Variants in ZNF431 observed in about 807,000 individuals in gnomAD.
The protein encoded by ZNF431 is zinc finger protein 431.
Under a neutral mutation model 57.0 loss-of-function variants are expected in ZNF431, and 34 were observed. The ratio of observed to expected loss-of-function variants is 0.60; its 90% CI spans 0.45 to 0.79. The LOEUF is 0.79. Ranked by LOEUF, ZNF431 falls within the 30% of genes least tolerant of loss-of-function variation. The pLI is 0.00. For missense variants in ZNF431, 607 were observed against 667.1 expected (o/e 0.91, Z 0.99); for synonymous variants, 207 against 220.3 (o/e 0.94, Z 0.54).
At position 21,142,138 on chromosome 19, in the gene ZNF431, T is replaced by C; in HGVS notation, c.-46T>C. On this transcript the variant is annotated 5_prime_UTR_variant, in exon 1 of 5. Transcript: ENST00000311048. ...CTGTGGCCCTGTGACCTGCAGGTAT[T>C]GGGAGACCCACAGCTAAGACACCGG... 1.2e-6 allele frequency: 2 copies of C among 1,611,494 alleles called. No homozygotes were observed. Among genetic ancestry groups the C allele is most frequent in the Non-Finnish European group, 1.7e-6 (2 of 1,178,342 alleles).
Position 21,183,951 on chromosome 19 carries a change from A to T in ZNF431, c.1648A>T (p.Asn550Tyr). The change falls in exon 5 of 5, where the codon AAC becomes TAC. Residue 550 changes from asparagine to tyrosine, a missense_variant. Transcript: ENST00000311048. ...YNCEECDNTF[N>Y]QSSNLIKQNN... is the part of the protein sequence containing the mutation. ...CTGTGAAGAATGTGACAATACATTT[A>T]ACCAGTCCTCAAACCTTATTAAACA... 1 of 1,608,934 alleles carries T rather than the reference A, an allele frequency of 6.2e-7. No individual in the cohort carries two copies. The highest frequency in any genetic ancestry group is 1.1e-5 in the South Asian group (1 of 90,168).
At position 21,188,359 on chromosome 19, in the gene ZNF431, A is replaced by T. The variant is rs535298362; in HGVS notation, c.*4325A>T. On this transcript the variant is annotated 3_prime_UTR_variant, in exon 5 of 5. Coordinates refer to ENST00000311048, the MANE Select transcript of ZNF431 (RefSeq NM_133473.4). ...AAGAAAAATCTTACTAGATTCTTAT[A>T]CAAAGTGTGGCAAATATAAAACTTG... The T allele has an allele frequency of 6.6e-6, 1 of 152,220 alleles. No individual in the cohort carries two copies. Among genetic ancestry groups the T allele is most frequent in the South Asian group, 2.1e-4 (1 of 4,832 alleles). The allele number at this position is 152,220 out of a possible 1,614,324, so 9.4% of individuals were successfully genotyped here.
intron 2 of ZNF431, 38 bp downstream of exon 2, chr19:21,143,681 C>G: frequency 6.6e-7 from 1 of 1,509,760 alleles, no homozygotes; most frequent in Non-Finnish European, 9.2e-7. Context: ...TACGCCCAAC[C>G]CAGCTTTCAT....
At chr19:21,182,570 A>C in intron 4 of ZNF431, 53 bp from the exon 5 acceptor site, 1 of 1,515,980 alleles carries the variant, frequency 6.6e-7, no homozygotes, top group Non-Finnish European at 8.8e-7. Context: ...TTTGTAAAGT[A>C]TGTTTATCAG....
chr19:21,144,087 T>G (rs908840602), intron 2 of ZNF431, among the ~76,000 whole-genome samples: 2 of 150,856 alleles, frequency 1.3e-5, no homozygotes, highest in African/African-American at 4.8e-5. Flanking sequence ...ACACATTTGT[T>G]TTTTAATCAG....
chr19:21,186,464 TTG>T lies in ZNF431; in HGVS notation c.*2432_*2433del, dbSNP rs1445382715. The T allele has an allele frequency of 2.0e-5, 3 of 152,180 alleles. No homozygotes were observed. The highest frequency in any genetic ancestry group is 1.3e-4 in the Admixed American group (2 of 15,270). The allele number at this position is 152,180 out of a possible 1,614,324, so 9.4% of individuals were successfully genotyped here. A position where few individuals can be genotyped will look rare whatever the true frequency, so the allele number is the denominator to read the frequency against. On this transcript the variant is annotated 3_prime_UTR_variant, in exon 5 of 5. Transcript: ENST00000311048. ...TAAGTATGTGTGTGTGAGTATGAGT[TTG>T]TACATATTTTCAGAAGGAAAGAATG... is the stretch of plus-strand genomic sequence containing the variant.
intron 1 of ZNF431, among the ~76,000 whole-genome samples, chr19:21,142,794 T>G (rs1384267791): frequency 6.6e-6 from 1 of 152,156 alleles, no homozygotes; most frequent in African/African-American, 2.4e-5. Flanking sequence ...AGGTGAAAAT[T>G]TCCTGATTAT....
At chr19:21,178,912 C>T (rs1269803690) in intron 4 of ZNF431, among the ~76,000 whole-genome samples, 1 of 151,954 alleles carries the variant, frequency 6.6e-6, no homozygotes, top group Non-Finnish European at 1.5e-5. Flanking sequence ...GAGGCCCCTC[C>T]TTTTCCATCA....
At chr19:21,166,525 A>T (rs1483577959) in intron 3 of ZNF431, 64 bp downstream of exon 3, 3 of 1,525,240 alleles carry the variant, frequency 2.0e-6, no homozygotes, top group Non-Finnish European at 2.6e-6. Flanking sequence ...CTTTTTTTGT[A>T]GAATTTTTTT....
chr19:21,148,000 A>T (rs990813747), intron 2 of ZNF431, among the ~76,000 whole-genome samples: 1 of 145,658 alleles, frequency 6.9e-6, no homozygotes, highest in African/African-American at 2.5e-5. Context: ...ATTTTTTTTA[A>T]TTTTTTTTTT....
In ZNF431 at chr19:21,190,498, C is replaced by T. The variant is rs1270006496; in HGVS notation, c.*6464C>T. The T allele has an allele frequency of 6.6e-6, 1 of 151,350 alleles. No homozygotes were observed. Among genetic ancestry groups the T allele is most frequent in the African/African-American group, 2.4e-5 (1 of 41,254 alleles). The allele number at this position is 151,350 out of a possible 1,614,324, so 9.4% of individuals were successfully genotyped here. ...TTCACATCTTTACCAACACTTTTTTCTTTTTCTTTTAATAAGAGTTATTCT... is the reference window on the plus strand; with the variant it reads ...TTCACATCTTTACCAACACTTTTTTTTTTTTCTTTTAATAAGAGTTATTCT... On this transcript the variant is annotated 3_prime_UTR_variant, in exon 5 of 5. Transcript: ENST00000311048.
intron 2 of ZNF431, chr19:21,150,007 C>G: frequency 6.8e-6 from 4 of 586,762 alleles, no homozygotes; most frequent in East Asian, 3.7e-5. Context: ...TTTTCTCCAC[C>G]AAGGTGGTGA....
intron 4 of ZNF431, among the ~76,000 whole-genome samples, chr19:21,180,438 C>T (rs1971177462): frequency 1.3e-5 from 2 of 152,096 alleles, no homozygotes; most frequent in African/African-American, 4.8e-5. Context: ...CTTATGCAGA[C>T]TTACTATTGT....
intron 2 of ZNF431, chr19:21,150,016 G>A: frequency 6.8e-6 from 4 of 590,262 alleles, no homozygotes; most frequent in Admixed American, 4.7e-5. Flanking sequence ...CCAAGGTGGT[G>A]ACAGTGTTAA....
intron 2 of ZNF431, among the ~76,000 whole-genome samples, chr19:21,159,378 TGTTG>T (rs1212785645): frequency 6.6e-6 from 1 of 152,064 alleles, no homozygotes; most frequent in African/African-American, 2.4e-5. Flanking sequence ...TTTTTGTTGT[TGTTG>T]TTGTTGTTGG....
rs577052056 is a variant in ZNF431, at chr19:21,185,194, T to TGCC, written c.*1162_*1163insCGC. On this transcript the variant is annotated 3_prime_UTR_variant, in exon 5 of 5. Coordinates refer to ENST00000311048, the MANE Select transcript of ZNF431 (RefSeq NM_133473.4). ...ACACTTCAGATATACTAAATCAGAG[T>TGCC]GCTAAGTATAGAAAATCTGAAACTA... 2.6e-5 allele frequency: 4 copies of TGCC among 152,208 alleles called. No individual in the cohort carries two copies. The East Asian group carries it at 7.7e-4, about 29-fold the overall frequency. 9.4% of individuals were successfully genotyped at this position (152,208 alleles called of 1,614,324 possible). A position where few individuals can be genotyped will look rare whatever the true frequency, so the allele number is the denominator to read the frequency against.
intron 2 of ZNF431, among the ~76,000 whole-genome samples, chr19:21,155,877 C>T (rs1970402583): frequency 6.6e-6 from 1 of 152,150 alleles, no homozygotes; most frequent in African/African-American, 2.4e-5. Context: ...AAATGGGAGG[C>T]TCTTCTCTCC....
At chr19:21,170,969 G>A (rs958888615) in intron 4 of ZNF431, among the ~76,000 whole-genome samples, 4 of 152,160 alleles carry the variant, frequency 2.6e-5, no homozygotes, top group Non-Finnish European at 4.4e-5. Flanking sequence ...CATTGTGCCC[G>A]GCCCAACATA....
intron 2 of ZNF431, among the ~76,000 whole-genome samples, chr19:21,145,463 C>T (rs1387469084): frequency 6.6e-6 from 1 of 152,058 alleles, no homozygotes; most frequent in African/African-American, 2.4e-5. Context: ...GGCGACAGAG[C>T]GAGACTCCAT....
Sources: gnomAD v4.1 joint callset for allele counts (sites outside exome capture counted in the v4.1 genomes callset) on GRCh38, gnomAD v4.1.1 for gene constraint, MANE v1.5 for transcripts, NCBI Gene and HGNC (gene_info 2026-07-23, HGNC 2026-07-21) for gene names.